The following SLC29A3 variants were observed in gnomAD, a reference collection of about 807,000 sequenced individuals.
SLC29A3 encodes the protein equilibrative nucleoside transporter 3.
In SLC29A3, 18 loss-of-function variants were observed where a neutral mutation model predicts 25.4. The observed-to-expected ratio is 0.71, with a 90% CI of 0.49 to 1.05. The LOEUF (loss-of-function observed/expected upper bound fraction) is 1.05. Ranked by LOEUF, SLC29A3 falls within the 50% of genes least tolerant of loss-of-function variation. The pLI is 0.00. For missense variants in SLC29A3, 586 were observed against 609.0 expected (o/e 0.96, Z 0.40); for synonymous variants, 258 against 267.1 (o/e 0.97, Z 0.33).
chr10:71,319,337 C>T (rs1845791246), intron 1 of SLC29A3, 27 bp downstream of exon 1: 1 of 641,878 alleles, frequency 1.6e-6, no homozygotes, highest in Non-Finnish European at 2.8e-6. Flanking sequence ...TCGGGCTCTT[C>T]CGGCTACGGT....
intron 5 of SLC29A3, among the ~76,000 whole-genome samples, chr10:71,360,134 C>CTTTTTTTTTTTTTTTTTTTTTTTTTTTT (rs10532475): frequency 1.4e-5 from 1 of 71,456 alleles, no homozygotes; most frequent in African/African-American, 5.7e-5. Flanking sequence ...TCTTCTTCTT[C>CTTTTTTTTTTTTTTTTTTTTTTTTTTTT]TTTTTTTTTT....
chr10:71,358,140 G>A (rs889527712), intron 5 of SLC29A3, among the ~76,000 whole-genome samples: 28 of 152,284 alleles, frequency 1.8e-4, no homozygotes, highest in East Asian at 1.4e-3. Flanking sequence ...GGTGAGTCAC[G>A]GCAGGACTGG....
At chr10:71,331,515 G>T (rs1256554944) in intron 2 of SLC29A3, among the ~76,000 whole-genome samples, 1 of 152,212 alleles carries the variant, frequency 6.6e-6, no homozygotes, top group Non-Finnish European at 1.5e-5. Flanking sequence ...AGGGAGCATA[G>T]CTCAGCGAGG....
At chr10:71,343,436 C>T (rs1353273355) in intron 2 of SLC29A3, among the ~76,000 whole-genome samples, 2 of 152,196 alleles carry the variant, frequency 1.3e-5, no homozygotes, top group Non-Finnish European at 2.9e-5. Context: ...TCTGTGTTTG[C>T]ACAGTTCTTT....
intron 5 of SLC29A3, among the ~76,000 whole-genome samples, chr10:71,360,747 G>A (rs1015070298): frequency 7.2e-5 from 11 of 152,172 alleles, no homozygotes; most frequent in African/African-American, 2.4e-4. Context: ...GATATTCATT[G>A]CAACATTGTC....
At chr10:71,341,012 T>C (rs1370176409) in intron 2 of SLC29A3, among the ~76,000 whole-genome samples, 1 of 152,150 alleles carries the variant, frequency 6.6e-6, no homozygotes. Context: ...TGGAAAAGTC[T>C]TGTGGAGCCA....
At chr10:71,352,165 T>G (rs923814849) in intron 4 of SLC29A3, among the ~76,000 whole-genome samples, 1 of 152,100 alleles carries the variant, frequency 6.6e-6, no homozygotes, top group Non-Finnish European at 1.5e-5. Context: ...GGACCTCAAA[T>G]GGCAACTTTG....
chr10:71,325,906 A>G (rs1845954129), intron 2 of SLC29A3, among the ~76,000 whole-genome samples: 2 of 144,514 alleles, frequency 1.4e-5, no homozygotes, highest in Non-Finnish European at 3.0e-5. Flanking sequence ...TTTCTGGACT[A>G]TATTAGTACT....
intron 2 of SLC29A3, among the ~76,000 whole-genome samples, chr10:71,330,206 A>G (rs532930667): frequency 7.9e-5 from 12 of 152,336 alleles, no homozygotes; most frequent in African/African-American, 2.9e-4. Flanking sequence ...TGGGGGCTCC[A>G]CAGCCACCCT....
chr10:71,376,209 T>C (rs1161246311), intron 4 of SLC29A3, among the ~76,000 whole-genome samples: 1 of 152,376 alleles, frequency 6.6e-6, no homozygotes, highest in African/African-American at 2.4e-5. Context: ...TCTTTGATAC[T>C]GATAGAACTA....
chr10:71,339,856 C>T (rs944845294), intron 2 of SLC29A3, among the ~76,000 whole-genome samples: 6 of 152,126 alleles, frequency 3.9e-5, no homozygotes, highest in African/African-American at 9.7e-5. Context: ...GCCCCTCCTT[C>T]CATGCCCCCC....
Position 71,336,715 on chromosome 10 carries a change from T to G in SLC29A3, c.301-7494T>G, listed in dbSNP as rs1209281780. On this transcript the variant is annotated intron_variant, in intron 2 of 5. Transcript: ENST00000373189. The stretch of plus-strand genomic sequence containing the variant: ...GAGTCTCCAGGAAGTCAGCTTAGGC[T>G]GGAGGAAGAGCCCTTTTTGCGGAGT... 2.6e-5 allele frequency among the ~76,000 whole-genome samples: 4 copies of G among 151,918 alleles called. No homozygotes were observed. The East Asian group carries it at 7.8e-4, about 30-fold the overall frequency.
intron 5 of SLC29A3, among the ~76,000 whole-genome samples, chr10:71,356,491 C>G (rs572570707): frequency 2.1e-4 from 32 of 152,286 alleles, no homozygotes; most frequent in African/African-American, 7.0e-4. Context: ...CTTATTCCAG[C>G]GCTGTGTTCC....
chr10:71,361,465 A>C (rs569093033), intron 5 of SLC29A3, among the ~76,000 whole-genome samples: 123 of 152,320 alleles, frequency 8.1e-4, no homozygotes, highest in African/African-American at 2.9e-3. Context: ...CCCGGCCTAG[A>C]ATGTTAACAG....
intron 2 of SLC29A3, among the ~76,000 whole-genome samples, chr10:71,335,491 G>A (rs1286689960): frequency 6.6e-6 from 1 of 152,200 alleles, no homozygotes; most frequent in East Asian, 1.9e-4. Context: ...GCTGAGGGTG[G>A]CCAGGCCCAG....
At chr10:71,360,695 T>A (rs1055752989) in intron 5 of SLC29A3, among the ~76,000 whole-genome samples, 3 of 152,224 alleles carry the variant, frequency 2.0e-5, no homozygotes, top group Non-Finnish European at 2.9e-5. Flanking sequence ...AAATCTGCCC[T>A]ACCAAAATAC....
rs1427080717 is a variant in SLC29A3 at position 71,357,310 on chromosome 10, G to T, written c.773+1067G>T. Among the ~76,000 whole-genome samples, 5 of 152,244 alleles carry T rather than the reference G, an allele frequency of 3.3e-5. No homozygotes were observed. In the East Asian group the frequency reaches 9.7e-4, roughly 29 times the overall value. On this transcript the variant is annotated intron_variant, in intron 5 of 5. Coordinates refer to ENST00000373189, the MANE Select transcript of SLC29A3 (RefSeq NM_018344.6). Reference sequence around the variant, plus strand: ...GGTGCCTGTAGTCCCAGCTACTCGGGCGGCTGAGGCAAGAGAATGGTGTGA... The same window carrying T: ...GGTGCCTGTAGTCCCAGCTACTCGGTCGGCTGAGGCAAGAGAATGGTGTGA...
intron 3 of SLC29A3, among the ~76,000 whole-genome samples, chr10:71,345,145 C>G (rs1355664748): frequency 6.6e-6 from 1 of 152,208 alleles, no homozygotes; most frequent in Non-Finnish European, 1.5e-5. Context: ...CTTTTACATG[C>G]TGAGCCTGAA....
At chr10:71,335,537 G>T (rs1388098514) in intron 2 of SLC29A3, among the ~76,000 whole-genome samples, 1 of 152,196 alleles carries the variant, frequency 6.6e-6, no homozygotes, top group Non-Finnish European at 1.5e-5. Flanking sequence ...GGGGATGCCT[G>T]GGGGAGAGGC....
Sources: allele counts gnomAD v4.1 joint callset (sites outside exome capture counted in the v4.1 genomes callset), GRCh38; gene constraint gnomAD v4.1.1; transcripts MANE v1.5; gene names NCBI Gene and HGNC (gene_info 2026-07-23, HGNC 2026-07-21).